The following RNF150 variants were observed in gnomAD, a reference collection of about 807,000 sequenced individuals.
RNF150 encodes the protein ring finger protein 150.
A neutral mutation model predicts 39.3 loss-of-function variants in RNF150; 24 were observed. The ratio of observed to expected loss-of-function variants is 0.61; its 90% confidence interval spans 0.44 to 0.86. The LOEUF is 0.86. Among genes scored for constraint, RNF150 ranks in the 40% least tolerant of loss-of-function variants. RNF150 has a pLI of 0.00. For missense variants in RNF150, 502 were observed against 587.8 expected (o/e 0.85, Z 1.51); for synonymous variants, 255 against 227.3 (o/e 1.12, Z -1.10).
intron 5 of RNF150, among the ~76,000 whole-genome samples, chr4:140,916,741 C>T (rs1025644339): frequency 3.3e-5 from 5 of 152,108 alleles, no homozygotes; most frequent in Non-Finnish European, 7.3e-5. Context: ...ACGTAATTGT[C>T]AGATTCACCA....
rs371206805 is a variant in RNF150 at position 140,967,793 on chromosome 4, C to G, written c.565G>C (p.Val189Leu). The change falls in exon 2 of 7, where the codon GTG becomes CTG. Residue 189 changes from valine (V) to leucine (L), a missense_variant. Transcript: ENST00000515673. ...IVSLLERNIT[V>L]TMYITIGTRN... is the part of the protein sequence containing the mutation. ...GTTCCGATGGTGATGTACATTGTCACGGTGATGTTTCTTTCCAGCAGGCTT... is the reference window on the plus strand; with the variant it reads ...GTTCCGATGGTGATGTACATTGTCAGGGTGATGTTTCTTTCCAGCAGGCTT... The G allele has an allele frequency of 4.3e-6, 7 of 1,613,480 alleles. No homozygotes were observed. The highest frequency in any genetic ancestry group is 5.1e-6 in the Non-Finnish European group (6 of 1,179,632).
At chr4:141,131,196 T>C (rs1726883358) in intron 1 of RNF150, among the ~76,000 whole-genome samples, 1 of 152,244 alleles carries the variant, frequency 6.6e-6, no homozygotes, top group Non-Finnish European at 1.5e-5. Flanking sequence ...AGCTTGGTGT[T>C]CCATTTCAGC....
chr4:140,904,327 T>TA (rs1730297064), intron 6 of RNF150, among the ~76,000 whole-genome samples: 1 of 152,222 alleles, frequency 6.6e-6, no homozygotes, highest in Admixed American at 6.5e-5. Flanking sequence ...CAGTGGGGCC[T>TA]AAAATCTTAA....
At chr4:141,072,709 T>C (rs1203823205) in intron 1 of RNF150, among the ~76,000 whole-genome samples, 1 of 152,160 alleles carries the variant, frequency 6.6e-6, no homozygotes, top group Non-Finnish European at 1.5e-5. Flanking sequence ...AAAGTGCACA[T>C]TGAATTTACC....
intron 1 of RNF150, among the ~76,000 whole-genome samples, chr4:141,204,584 G>T (rs985702456): frequency 2.0e-5 from 3 of 152,110 alleles, no homozygotes; most frequent in Non-Finnish European, 4.4e-5. Flanking sequence ...TGCCCCTTGA[G>T]GGTGGAGAGG....
At chr4:140,967,575 A>C in intron 2 of RNF150, 48 bp downstream of exon 2, 9 of 1,525,470 alleles carry the variant, frequency 5.9e-6, no homozygotes, top group Non-Finnish European at 8.0e-6. Context: ...ATGTTTAATA[A>C]CATTTTTGTA....
intron 1 of RNF150, among the ~76,000 whole-genome samples, chr4:140,972,558 C>A (rs911334469): frequency 2.0e-5 from 3 of 152,136 alleles, no homozygotes; most frequent in African/African-American, 4.8e-5. Context: ...AATGTTTTAG[C>A]TAGGCATAGG....
chr4:141,044,771 GCA>G (rs71584391), intron 1 of RNF150, among the ~76,000 whole-genome samples: 1 of 146,582 alleles, frequency 6.8e-6, no homozygotes, highest in African/African-American at 2.6e-5. Flanking sequence ...GGTGTGCAGC[GCA>G]CACACACACG....
At chr4:141,083,908 A>T (rs1324961972) in intron 1 of RNF150, among the ~76,000 whole-genome samples, 1 of 152,260 alleles carries the variant, frequency 6.6e-6, no homozygotes, top group Non-Finnish European at 1.5e-5. Flanking sequence ...TTGGAAATGT[A>T]AAAGAAAATC....
intron 1 of RNF150, among the ~76,000 whole-genome samples, chr4:141,211,743 T>C (rs1448583372): frequency 6.6e-6 from 1 of 151,956 alleles, no homozygotes; most frequent in Non-Finnish European, 1.5e-5. Context: ...AAAACTCACA[T>C]TCCATATTCA....
chr4:141,030,767 T>G (rs953193267), intron 1 of RNF150, among the ~76,000 whole-genome samples: 1 of 150,946 alleles, frequency 6.6e-6, no homozygotes, highest in Non-Finnish European at 1.5e-5. Context: ...GTCAAATTTA[T>G]AGAAACAGAA....
chr4:140,973,511 C>T (rs1733542364), intron 1 of RNF150, among the ~76,000 whole-genome samples: 1 of 151,610 alleles, frequency 6.6e-6, no homozygotes, highest in Non-Finnish European at 1.5e-5. Context: ...TCCTTTTCTT[C>T]CTCCATATTT....
At chr4:141,068,046 A>T (rs1737532565) in intron 1 of RNF150, among the ~76,000 whole-genome samples, 2 of 152,022 alleles carry the variant, frequency 1.3e-5, no homozygotes, top group South Asian at 4.2e-4. Flanking sequence ...CCCAGGTTCA[A>T]GCAATTCTTG....
At chr4:140,889,562 C>T (rs948374696) in intron 6 of RNF150, among the ~76,000 whole-genome samples, 1 of 152,136 alleles carries the variant, frequency 6.6e-6, no homozygotes, top group Admixed American at 6.5e-5. Flanking sequence ...TCATGCTACT[C>T]TGAAGCAGAA....
rs1327597293 is a variant in RNF150, at chr4:141,187,902, G to GT, written c.-6+24891dup. Among the ~76,000 whole-genome samples, 3 of 152,156 alleles carry GT rather than the reference G, an allele frequency of 2.0e-5. No homozygotes were observed. In the East Asian group the frequency reaches 5.8e-4, roughly 29 times the overall value. On this transcript the variant is annotated intron_variant, in intron 1 of 7. Coordinates refer to the RNF150 transcript ENST00000420921. ...TGATCCTGTCTCATGATGTTAGCTG[G>GT]TTTTTTTGCATATTAATTGATGCAG...
Position 140,864,555 on chromosome 4 carries a change from C to T in RNF150, c.*3706G>A, listed in dbSNP as rs1483570952. The T allele has an allele frequency of 6.6e-6, 1 of 152,170 alleles. No homozygotes were observed. Among genetic ancestry groups the T allele is most frequent in the African/African-American group, 2.4e-5 (1 of 41,436 alleles). The allele number at this position is 152,170 out of a possible 1,614,324, so 9.4% of individuals were successfully genotyped here. On this transcript the variant is annotated 3_prime_UTR_variant, in exon 7 of 7. Transcript: ENST00000515673. ...TCACAGGCCCCCAAAGATTCTTTTT[C>T]AAGAAGGCCACATAAAGTCTTGCAT...
chr4:141,190,853 A>G (rs767100847), intron 1 of RNF150, among the ~76,000 whole-genome samples: 5 of 152,224 alleles, frequency 3.3e-5, no homozygotes, highest in African/African-American at 4.8e-5. Context: ...TTGTATTTTC[A>G]TAAGCCTTCC....
chr4:141,032,270 CAG>C (rs1233954411), intron 1 of RNF150, among the ~76,000 whole-genome samples: 1 of 151,932 alleles, frequency 6.6e-6, no homozygotes, highest in Non-Finnish European at 1.5e-5. Context: ...TGATGGTGGC[CAG>C]AGACTAGGGA....
chr4:141,018,635 A>G (rs556706665), intron 1 of RNF150, among the ~76,000 whole-genome samples: 11 of 151,912 alleles, frequency 7.2e-5, no homozygotes, highest in Admixed American at 3.9e-4. Flanking sequence ...CTTTCCTTTC[A>G]CTGACTGATT....
Sources: allele counts gnomAD v4.1 joint callset (sites outside exome capture counted in the v4.1 genomes callset), GRCh38; gene constraint gnomAD v4.1.1; transcripts MANE v1.5; gene names NCBI Gene and HGNC (gene_info 2026-07-23, HGNC 2026-07-21).